Variants in GPSM2 observed in about 807,000 individuals in gnomAD.
GPSM2 encodes G protein-signaling modulator 2.
GPSM2 carries 58 observed loss-of-function variants against 78.4 expected under a neutral mutation model. That is an observed-to-expected ratio of 0.74 (90% CI 0.60 to 0.92). The LOEUF (loss-of-function observed/expected upper bound fraction) is 0.92, where lower values mean the gene tolerates loss of function less well. GPSM2 is among the 40% of genes least tolerant of loss of function. The pLI is 0.00. For missense variants in GPSM2, 700 were observed against 815.5 expected, an observed-to-expected ratio of 0.86 and a Z score of 1.73; for synonymous variants, 224 against 280.2, an observed-to-expected ratio of 0.80 and a Z score of 2.00.
intron 11 of GPSM2, 53 bp from the exon 12 acceptor site, chr1:108,918,560 A>G: frequency 7.7e-7 from 1 of 1,302,716 alleles, no homozygotes; most frequent in African/African-American, 1.4e-5. Context: ...ACCAGAAGAG[A>G]GCTGGGGATT....
chr1:108,923,534 T>C (rs1317082421), intron 13 of GPSM2, among the ~76,000 whole-genome samples: 1 of 152,184 alleles, frequency 6.6e-6, no homozygotes, highest in Non-Finnish European at 1.5e-5. Context: ...TTTTTCTATT[T>C]CAGCTACCAA....
intron 11 of GPSM2, 35 bp from the exon 12 acceptor site, chr1:108,918,578 G>T: frequency 6.5e-7 from 1 of 1,541,116 alleles, no homozygotes. Flanking sequence ...ATTTGGGGGT[G>T]TTTATTCACC....
At chr1:108,878,402 ATGT>A (rs1198635955) in intron 1 of GPSM2, among the ~76,000 whole-genome samples, 3 of 151,584 alleles carry the variant, frequency 2.0e-5, no homozygotes, top group Non-Finnish European at 2.9e-5. Context: ...AAGTTGTGTG[ATGT>A]TGTTGTAGAG....
intron 2 of GPSM2, among the ~76,000 whole-genome samples, chr1:108,889,984 T>G (rs1474648341): frequency 1.3e-5 from 2 of 152,224 alleles, no homozygotes; most frequent in Non-Finnish European, 2.9e-5. Context: ...GCTCATGCTA[T>G]GCCCTATGTT....
intron 10 of GPSM2, among the ~76,000 whole-genome samples, chr1:108,911,915 C>T (rs1337855945): frequency 6.6e-6 from 1 of 151,134 alleles, no homozygotes; most frequent in Non-Finnish European, 1.5e-5. Context: ...AAGCAATCTG[C>T]CCACCTCAGC....
At chr1:108,890,928 G>C (rs1054249634) in intron 2 of GPSM2, among the ~76,000 whole-genome samples, 1 of 152,164 alleles carries the variant, frequency 6.6e-6, no homozygotes, top group African/African-American at 2.4e-5. Flanking sequence ...AATTTTTTAT[G>C]TGTGATAATG....
intron 1 of GPSM2, among the ~76,000 whole-genome samples, 154 bp from the exon 2 acceptor site, chr1:108,885,121 C>G (rs915859556): frequency 6.6e-6 from 1 of 152,124 alleles, no homozygotes; most frequent in African/African-American, 2.4e-5. Context: ...TTTAGAAGCT[C>G]CATGATGACA....
At chr1:108,904,048 T>C (rs1649037430) in intron 9 of GPSM2, 77 bp from the exon 10 acceptor site, 1 of 957,308 alleles carries the variant, frequency 1.0e-6, no homozygotes, top group South Asian at 1.3e-5. Context: ...TAGTTTTAGG[T>C]TCACTACATT....
At chr1:108,897,833 G>C (rs1430850298) in intron 4 of GPSM2, 126 bp from the exon 5 acceptor site, 2 of 994,422 alleles carry the variant, frequency 2.0e-6, no homozygotes, top group Non-Finnish European at 3.1e-6. Context: ...TATTTGATTG[G>C]TTCTGTATGG....
At position 108,929,937 on chromosome 1, in the gene GPSM2, T is replaced by C; in HGVS notation, c.2052T>C (p.His684=). 6.2e-7 allele frequency: 1 copy of C among 1,612,804 alleles called. No homozygotes were observed. Among genetic ancestry groups the C allele is most frequent in the Non-Finnish European group, 8.5e-7 (1 of 1,178,956 alleles). Residue 684 remains histidine (H), a synonymous_variant, in exon 15 of 15, where the codon CAT becomes CAC. Coordinates refer to ENST00000264126, the MANE Select transcript of GPSM2 (RefSeq NM_013296.5). ...ATTCAGGGAAAAAATCGGCAGACCA[T>C]TAGTTACTATGGATTTATTTTTTTT... ...FKNSGKKSAD[H]
chr1:108,912,655 G>T (rs1170484096), intron 10 of GPSM2, among the ~76,000 whole-genome samples: 1 of 151,534 alleles, frequency 6.6e-6, no homozygotes, highest in African/African-American at 2.4e-5. Flanking sequence ...TGGGAGGATC[G>T]CTTTGAGCCC....
chr1:108,915,007 G>C (rs114930156), intron 11 of GPSM2, among the ~76,000 whole-genome samples: 9 of 152,056 alleles, frequency 5.9e-5, no homozygotes, highest in Non-Finnish European at 1.2e-4. Flanking sequence ...TTCATAATTA[G>C]AAACAGGTTA....
intron 2 of GPSM2, among the ~76,000 whole-genome samples, chr1:108,892,638 G>A (rs983669359): frequency 2.6e-5 from 4 of 152,150 alleles, no homozygotes; most frequent in African/African-American, 9.7e-5. Context: ...TCTTCTACAT[G>A]TGGGTATGTT....
chr1:108,888,546 C>T (rs1248893826), intron 2 of GPSM2, among the ~76,000 whole-genome samples: 1 of 151,850 alleles, frequency 6.6e-6, no homozygotes, highest in Non-Finnish European at 1.5e-5. Context: ...CACTCTGTTG[C>T]CTAGGCTGGT....
In GPSM2 at chr1:108,930,242, A is replaced by G. The variant is rs920288769; in HGVS notation, c.*302A>G. The G allele has an allele frequency of 1.7e-5, 5 of 291,422 alleles. No individual in the cohort carries two copies. Among genetic ancestry groups the G allele is most frequent in the African/African-American group, 1.1e-4 (5 of 46,166 alleles). 18.1% of individuals were successfully genotyped at this position (291,422 alleles called of 1,614,324 possible). ...AAGTAGGAAGTTAAGTGAATCATAG[A>G]TTAGAATTTAATACTCTTATGGAAA... On this transcript the variant is annotated 3_prime_UTR_variant, in exon 15 of 15. Transcript: ENST00000264126.
chr1:108,907,077 T>A (rs954050553), intron 10 of GPSM2, among the ~76,000 whole-genome samples: 3 of 152,210 alleles, frequency 2.0e-5, no homozygotes, highest in Non-Finnish European at 4.4e-5. Context: ...AATCTGAACC[T>A]ATCTCTTCAG....
chr1:108,914,199 G>T, intron 10 of GPSM2, 139 bp from the exon 11 acceptor site: 1 of 622,368 alleles, frequency 1.6e-6, no homozygotes, highest in South Asian at 2.0e-5. Flanking sequence ...ATTATTCTTG[G>T]AAGAATACAT....
intron 13 of GPSM2, among the ~76,000 whole-genome samples, 167 bp from the exon 14 acceptor site, chr1:108,923,833 C>T (rs935152279): frequency 6.6e-6 from 1 of 152,222 alleles, no homozygotes; most frequent in Non-Finnish European, 1.5e-5. Context: ...AAAAACCACA[C>T]CCATCTAGCC....
At position 108,929,892 on chromosome 1, in the gene GPSM2, T is replaced by A; in HGVS notation, c.2007T>A (p.Asn669Lys). The A allele has an allele frequency of 1.9e-6, 3 of 1,613,782 alleles. No individual in the cohort carries two copies. The highest frequency in any genetic ancestry group is 2.5e-6 in the Non-Finnish European group (3 of 1,179,632). ...GGCTAAAGGACTTTTTGCAAAATAA[T>A]GCTTTGTTGGAGTTTAAAAATTCAG... is the stretch of plus-strand genomic sequence containing the variant. ...DFGLKDFLQN[N>K]ALLEFKNSGK... Residue 669 changes from asparagine (N) to lysine (K), a missense_variant, in exon 15 of 15, where the codon AAT becomes AAA. Coordinates refer to ENST00000264126, the MANE Select transcript of GPSM2 (RefSeq NM_013296.5).
Sources: gnomAD v4.1 joint callset for allele counts (sites outside exome capture counted in the v4.1 genomes callset) on GRCh38, gnomAD v4.1.1 for gene constraint, MANE v1.5 for transcripts, NCBI Gene and HGNC (gene_info 2026-07-23, HGNC 2026-07-21) for gene names.